Variants in MARCHF1 observed in about 807,000 individuals in gnomAD.
MARCHF1 encodes E3 ubiquitin-protein ligase MARCHF1.
Under a neutral mutation model 54.2 loss-of-function variants are expected in MARCHF1, and 40 were observed. That is an observed-to-expected ratio of 0.74 (90% confidence interval 0.57 to 0.96). MARCHF1 has a LOEUF of 0.96. Ranked by LOEUF, MARCHF1 falls within the 40% of genes least tolerant of loss-of-function variation. The pLI, the probability that MARCHF1 is intolerant of heterozygous loss-of-function variation, is 0.00. For missense variants in MARCHF1, 586 were observed against 656.5 expected (o/e 0.89, Z 1.17); for synonymous variants, 236 against 236.3 (o/e 1.00, Z 0.01).
chr4:164,136,670 G>A (rs1756409171), intron 1 of MARCHF1, among the ~76,000 whole-genome samples: 1 of 152,128 alleles, frequency 6.6e-6, no homozygotes, highest in South Asian at 2.1e-4. Flanking sequence ...CCTTTCAGCT[G>A]GCCCACCAGA....
At chr4:164,241,464 C>A (rs1226256177) in intron 1 of MARCHF1, among the ~76,000 whole-genome samples, 12 of 152,132 alleles carry the variant, frequency 7.9e-5, no homozygotes, top group Non-Finnish European at 1.3e-4. Context: ...TCTTTTTTGA[C>A]AATAGTTTGC....
chr4:163,700,905 G>GTGAAAGTACCA, intron 4 of MARCHF1, 42 bp from the exon 5 acceptor site: 1 of 1,385,452 alleles, frequency 7.2e-7, no homozygotes, highest in Non-Finnish European at 9.9e-7. Flanking sequence ...AGAAGGTATG[G>GTGAAAGTACCA]TACTTTCACC....
At chr4:163,609,432 G>A (rs1223825763) in intron 7 of MARCHF1, among the ~76,000 whole-genome samples, 1 of 151,882 alleles carries the variant, frequency 6.6e-6, no homozygotes, top group Non-Finnish European at 1.5e-5. Context: ...CATTCACTTG[G>A]TGGAAGGCTA....
rs575887781 is a variant in MARCHF1, at chr4:164,285,705, C to G, written c.-323+98165G>C. On this transcript the variant is annotated intron_variant, in intron 1 of 9. Transcript: ENST00000514618. ...GATCCACCAGCGACCTCGTAATCCGCCCGCCTCAGCCTCCCAAAGTGCTGG... is the reference window on the plus strand; with the variant it reads ...GATCCACCAGCGACCTCGTAATCCGGCCGCCTCAGCCTCCCAAAGTGCTGG... Among the ~76,000 whole-genome samples, 246 of 151,950 alleles carry G rather than the reference C, an allele frequency of 1.6e-3. 2 individuals are homozygous for G. The highest frequency in any genetic ancestry group is 5.7e-3 in the African/African-American group (235 of 41,484).
At chr4:164,100,564 A>C (rs894522737) in intron 2 of MARCHF1, among the ~76,000 whole-genome samples, 1 of 152,230 alleles carries the variant, frequency 6.6e-6, no homozygotes, top group African/African-American at 2.4e-5. Context: ...TTTCACAATG[A>C]AATGTCTTTG....
intron 1 of MARCHF1, among the ~76,000 whole-genome samples, chr4:164,217,847 G>C (rs1731976136): frequency 6.6e-6 from 1 of 152,060 alleles, no homozygotes; most frequent in South Asian, 2.1e-4. Flanking sequence ...GAATAGGCTG[G>C]GGAATTGCCC....
At chr4:164,207,162 A>C (rs181797227) in intron 1 of MARCHF1, among the ~76,000 whole-genome samples, 1 of 152,326 alleles carries the variant, frequency 6.6e-6, no homozygotes, top group Non-Finnish European at 1.5e-5. Context: ...AAGAGTAGTA[A>C]TATATACCAA....
chr4:164,023,876 T>C (rs1753716595), intron 2 of MARCHF1, among the ~76,000 whole-genome samples: 1 of 152,084 alleles, frequency 6.6e-6, no homozygotes, highest in African/African-American at 2.4e-5. Flanking sequence ...AATGAACTAA[T>C]CATTTTAAGA....
chr4:163,832,323 G>A (rs532573064), intron 4 of MARCHF1, among the ~76,000 whole-genome samples: 5 of 152,186 alleles, frequency 3.3e-5, no homozygotes, highest in Admixed American at 6.5e-5. Context: ...CCTTTTCTCC[G>A]TGAGTTTTGC....
chr4:163,636,349 T>C (rs1167671961), intron 5 of MARCHF1, among the ~76,000 whole-genome samples: 8 of 143,432 alleles, frequency 5.6e-5, no homozygotes, highest in South Asian at 2.3e-4. Context: ...GAAAACCCCA[T>C]TGTCTCAGCC....
intron 1 of MARCHF1, among the ~76,000 whole-genome samples, chr4:164,218,204 G>C (rs766669755): frequency 6.6e-6 from 1 of 152,184 alleles, no homozygotes; most frequent in East Asian, 1.9e-4. Flanking sequence ...AGTATCAGGA[G>C]GTAATGGAGA....
At chr4:164,349,486 G>A (rs1470747369) in intron 1 of MARCHF1, among the ~76,000 whole-genome samples, 1 of 151,950 alleles carries the variant, frequency 6.6e-6, no homozygotes, top group Non-Finnish European at 1.5e-5. Context: ...TATAAGAAAG[G>A]CTGGTGGTAC....
chr4:163,776,931 TC>T (rs1747324373), intron 4 of MARCHF1, among the ~76,000 whole-genome samples: 1 of 152,186 alleles, frequency 6.6e-6, no homozygotes, highest in African/African-American at 2.4e-5. Context: ...TTTTCTACCC[TC>T]AAGATACAAT....
intron 3 of MARCHF1, among the ~76,000 whole-genome samples, chr4:163,898,395 T>C (rs528160318): frequency 6.6e-6 from 1 of 152,088 alleles, no homozygotes; most frequent in African/African-American, 2.4e-5. Flanking sequence ...CATTTCTCAA[T>C]AGAAGAAATA....
intron 4 of MARCHF1, among the ~76,000 whole-genome samples, chr4:163,779,128 T>C (rs1402940533): frequency 1.3e-5 from 2 of 152,222 alleles, no homozygotes; most frequent in Non-Finnish European, 2.9e-5. Flanking sequence ...TGAAATATGC[T>C]ACATGGAGAG....
intron 1 of MARCHF1, among the ~76,000 whole-genome samples, chr4:164,323,825 A>G (rs1249202925): frequency 1.3e-5 from 2 of 151,736 alleles, no homozygotes; most frequent in Admixed American, 6.6e-5. Context: ...ATTAGCTATA[A>G]AGAGATCGGA....
At chr4:164,087,465 G>T (rs189690176) in intron 2 of MARCHF1, among the ~76,000 whole-genome samples, 50 of 152,186 alleles carry the variant, frequency 3.3e-4, no homozygotes, top group Non-Finnish European at 6.2e-4. Flanking sequence ...TAGAAACACA[G>T]ATAGACAAAG....
At chr4:164,128,942 C>A (rs183309052) in intron 1 of MARCHF1, among the ~76,000 whole-genome samples, 1 of 152,254 alleles carries the variant, frequency 6.6e-6, no homozygotes, top group Admixed American at 6.6e-5. Flanking sequence ...TCTTCTTGAG[C>A]TCTATTTAAC....
chr4:163,545,729 C>G lies in MARCHF1; in HGVS notation c.1206G>C (p.Gln402His), dbSNP rs368577075. The G allele has an allele frequency of 3.7e-6, 6 of 1,613,386 alleles. No homozygotes were observed. In the African/African-American group the frequency reaches 5.3e-5, roughly 14 times the overall value. The change falls in exon 9 of 10, where the codon CAG (glutamine) becomes CAC (histidine). Residue 402 changes from glutamine to histidine, a missense_variant. Coordinates refer to ENST00000514618, the MANE Select transcript of MARCHF1 (RefSeq NM_001394959.1). Reference protein sequence around the residue: ...LKPLRKWEKLQMTTSERRKIF... With the variant: ...LKPLRKWEKLHMTTSERRKIF... ...TTTTCCTCCTTTCACTTGTGGTCAT[C>G]TGTAGTTTCTCCCACTGCAATCAGA...
Sources: gnomAD v4.1 joint callset for allele counts (sites outside exome capture counted in the v4.1 genomes callset) on GRCh38, gnomAD v4.1.1 for gene constraint, MANE v1.5 for transcripts, NCBI Gene and HGNC (gene_info 2026-07-23, HGNC 2026-07-21) for gene names.